The following ITGA9 variants were observed in gnomAD, a reference collection of about 807,000 sequenced individuals.
ITGA9 encodes integrin subunit alpha 9, also known as integrin alpha-9.
A neutral mutation model predicts 127.8 loss-of-function variants in ITGA9; 56 were observed. The ratio of observed to expected loss-of-function variants is 0.44; its 90% CI spans 0.35 to 0.55. The LOEUF (loss-of-function observed/expected upper bound fraction) is 0.55. Among genes scored for constraint, ITGA9 ranks in the 20% least tolerant of loss-of-function variants. The pLI, the probability that ITGA9 is intolerant of heterozygous loss-of-function variation, is 0.00. For synonymous variants in ITGA9, 508 were observed against 514.5 expected, an observed-to-expected ratio of 0.99 and a Z score of 0.17; for missense variants, 1,196 against 1,347.1, an observed-to-expected ratio of 0.89 and a Z score of 1.76.
chr3:37,648,321 G>A (rs1007987239), intron 16 of ITGA9, among the ~76,000 whole-genome samples: 1 of 152,104 alleles, frequency 6.6e-6, no homozygotes, highest in African/African-American at 2.4e-5. Context: ...AGAAGAGAGT[G>A]GGGTGATATA....
intron 17 of ITGA9, among the ~76,000 whole-genome samples, chr3:37,682,750 T>G (rs997304176): frequency 6.6e-6 from 1 of 152,192 alleles, no homozygotes; most frequent in African/African-American, 2.4e-5. Context: ...TCCAAAATCC[T>G]TGAAGCAGTC....
At chr3:37,748,246 G>A in intron 22 of ITGA9, 1 of 488,082 alleles carries the variant, frequency 2.0e-6, no homozygotes, top group Non-Finnish European at 3.9e-6. Flanking sequence ...CAAGGGAATG[G>A]GTACTGTTCA....
At chr3:37,759,991 C>T (rs1200825744) in intron 23 of ITGA9, among the ~76,000 whole-genome samples, 1 of 151,980 alleles carries the variant, frequency 6.6e-6, no homozygotes, top group Non-Finnish European at 1.5e-5. Context: ...CTTTGGGAGG[C>T]TGAGGCGGGT....
In ITGA9 at chr3:37,803,864, C is replaced by T. The variant is rs761430711; in HGVS notation, c.2931C>T (p.Tyr977=). 9.3e-6 allele frequency: 15 copies of T among 1,614,038 alleles called. No homozygotes were observed. Among genetic ancestry groups the T allele is most frequent in the African/African-American group, 5.3e-5 (4 of 74,920 alleles). The stretch of plus-strand genomic sequence containing the variant: ...TGCACAATCTGGAGCCCCGTGGCTA[C>T]GTCGTGGGGTGGATCATCGCCATCA... ...EALHNLEPRG[Y]VVGWIIAISL... is the part of the protein sequence containing the mutation. Residue 977 remains tyrosine (Y), a synonymous_variant, in exon 27 of 28, where the codon TAC becomes TAT. Transcript: ENST00000264741.
intron 18 of ITGA9, among the ~76,000 whole-genome samples, chr3:37,712,492 A>G (rs1701089868): frequency 6.6e-6 from 1 of 152,208 alleles, no homozygotes; most frequent in African/African-American, 2.4e-5. Context: ...TCTTCTAGTG[A>G]CAGCAATAGA....
At chr3:37,539,939 C>T (rs1472339695) in intron 14 of ITGA9, among the ~76,000 whole-genome samples, 1 of 152,212 alleles carries the variant, frequency 6.6e-6, no homozygotes, top group African/African-American at 2.4e-5. Context: ...GACTTGAGTT[C>T]CCTGGCACTC....
intron 15 of ITGA9, among the ~76,000 whole-genome samples, chr3:37,609,253 GT>G (rs1316781496): frequency 6.6e-6 from 1 of 152,014 alleles, no homozygotes; most frequent in Non-Finnish European, 1.5e-5. Flanking sequence ...ATAGGGAAGG[GT>G]TTCTTCTTCC....
At position 37,478,697 on chromosome 3, in the gene ITGA9, A is replaced by G. The variant is rs141124291; in HGVS notation, c.421-2787A>G. Among the ~76,000 whole-genome samples the G allele has an allele frequency of 3.4e-3, 515 of 152,304 alleles. 5 individuals carry two copies. Among genetic ancestry groups the G allele is most frequent in the African/African-American group, 0.012 (483 of 41,548 alleles). On this transcript the variant is annotated intron_variant, in intron 3 of 27. Transcript: ENST00000264741. Reference sequence around the variant, plus strand: ...TTTTTAAAATGTAGTGGTCAGATTGACATGTGTGTATATATAATGATAATC... The same window carrying G: ...TTTTTAAAATGTAGTGGTCAGATTGGCATGTGTGTATATATAATGATAATC...
chr3:37,629,115 G>C lies in ITGA9; in HGVS notation c.1690-72G>C. On this transcript the variant is annotated intron_variant, in intron 15 of 27. Coordinates refer to ENST00000264741, the MANE Select transcript of ITGA9 (RefSeq NM_002207.3). This position sits in a 1 kb window ranked among gnomAD's most constrained non-coding sequence, Gnocchi z 4.5. Reference sequence around the variant, plus strand: ...GAGGCAATTCATGTAGAAGGTCTTTGTAAACTGTGAAATGCTCTACGACTG... The same window carrying C: ...GAGGCAATTCATGTAGAAGGTCTTTCTAAACTGTGAAATGCTCTACGACTG... The C allele has an allele frequency of 1.9e-6, 3 of 1,569,270 alleles. No homozygotes were observed. The Admixed American group carries it at 5.0e-5, about 26-fold the overall frequency.
At chr3:37,732,648 G>A in intron 18 of ITGA9, 64 bp from the exon 19 acceptor site, 2 of 1,261,790 alleles carry the variant, frequency 1.6e-6, no homozygotes, top group Admixed American at 2.0e-5. Context: ...TTGCCCCGTG[G>A]AGCCTGCTCC....
At chr3:37,672,989 C>A (rs1185958101) in intron 17 of ITGA9, among the ~76,000 whole-genome samples, 1 of 151,598 alleles carries the variant, frequency 6.6e-6, no homozygotes, top group East Asian at 1.9e-4. Flanking sequence ...TCTCTAGAAT[C>A]TTCTAAATCA....
At chr3:37,464,358 G>T (rs555139034) in intron 1 of ITGA9, among the ~76,000 whole-genome samples, 4 of 151,352 alleles carry the variant, frequency 2.6e-5, no homozygotes, top group African/African-American at 4.9e-5. Context: ...GAGCTCTTGG[G>T]TGCTGCCAGG....
intron 23 of ITGA9, among the ~76,000 whole-genome samples, chr3:37,751,261 G>A (rs1391669960): frequency 2.0e-5 from 3 of 152,176 alleles, no homozygotes; most frequent in Non-Finnish European, 4.4e-5. Flanking sequence ...CAGTTCCATG[G>A]CATCCCCTTG....
At chr3:37,774,473 T>C (rs371328535) in intron 23 of ITGA9, among the ~76,000 whole-genome samples, 32 of 151,912 alleles carry the variant, frequency 2.1e-4, no homozygotes, top group African/African-American at 7.0e-4. Context: ...GACAGGCAGA[T>C]TGCTTGAGCT....
At chr3:37,611,112 AT>A (rs1373327226) in intron 15 of ITGA9, among the ~76,000 whole-genome samples, 2 of 152,200 alleles carry the variant, frequency 1.3e-5, no homozygotes, top group Non-Finnish European at 2.9e-5. Context: ...GGGTTAGTCT[AT>A]TGAATAAAGC....
At chr3:37,620,797 A>G (rs1241912957) in intron 15 of ITGA9, among the ~76,000 whole-genome samples, 1 of 152,120 alleles carries the variant, frequency 6.6e-6, no homozygotes, top group Non-Finnish European at 1.5e-5. Context: ...TTGCACTTCT[A>G]CCCACTCTGG....
chr3:37,490,975 C>CCTTT (rs548395527), intron 4 of ITGA9, among the ~76,000 whole-genome samples: 4 of 105,108 alleles, frequency 3.8e-5, no homozygotes, highest in African/African-American at 1.4e-4. Context: ...TTCCCCCCCG[C>CCTTT]TTTTTTTTTT....
chr3:37,656,248 A>G (rs1041977258), intron 17 of ITGA9, among the ~76,000 whole-genome samples: 2 of 152,180 alleles, frequency 1.3e-5, no homozygotes, highest in African/African-American at 2.4e-5. Context: ...TTATAGCTTG[A>G]TGGGGATTGC....
At chr3:37,674,953 TC>T (rs1406996142) in intron 17 of ITGA9, among the ~76,000 whole-genome samples, 2 of 152,204 alleles carry the variant, frequency 1.3e-5, no homozygotes, top group African/African-American at 4.8e-5. Context: ...CCCCTGTAAT[TC>T]AGAGATATTC....
Sources: allele counts gnomAD v4.1 joint callset (sites outside exome capture counted in the v4.1 genomes callset), GRCh38; gene constraint gnomAD v4.1.1; non-coding constraint Gnocchi (gnomAD v3.1); transcripts MANE v1.5; gene names NCBI Gene and HGNC (gene_info 2026-07-23, HGNC 2026-07-21).